ALB: variants seen among roughly 807,000 people sequenced by gnomAD.
The protein encoded by ALB is albumin, also known as serum albumin.
In ALB, 37 loss-of-function variants were observed where a neutral mutation model predicts 74.5. The observed-to-expected ratio is 0.50, with a 90% confidence interval of 0.38 to 0.65. The LOEUF is 0.65. Among genes scored for constraint, ALB ranks in the 30% least tolerant of loss-of-function variants. ALB has a pLI of 0.00. For missense variants in ALB, 685 were observed against 718.7 expected, an observed-to-expected ratio of 0.95 and a Z score of 0.54; for synonymous variants, 249 against 251.6, an observed-to-expected ratio of 0.99 and a Z score of 0.10.
At chr4:73,420,121 T>A in intron 13 of ALB, 133 bp from the exon 14 acceptor site, 1 of 799,294 alleles carries the variant, frequency 1.3e-6, no homozygotes, top group Non-Finnish European at 2.1e-6. Context: ...GAGATTATAG[T>A]AGTAAATTGT....
At chr4:73,420,956 T>A in intron 14 of ALB, 136 bp from the exon 15 acceptor site, 1 of 570,032 alleles carries the variant, frequency 1.8e-6, no homozygotes, top group Non-Finnish European at 3.1e-6. Flanking sequence ...GCCGTAAGTC[T>A]AGGACAGGCT....
Position 73,421,331 on chromosome 4 carries a change from C to T in ALB, c.*263C>T. ...AATTCTGTAGGTTCTGTGGAAGTTC[C>T]AGTGTTCTCTCTTATTCCACTTCGG... On this transcript the variant is annotated 3_prime_UTR_variant, in exon 15 of 15. Coordinates refer to ENST00000295897, the MANE Select transcript of ALB (RefSeq NM_000477.7). The T allele has an allele frequency of 2.6e-6, 1 of 392,058 alleles. No homozygotes were observed. The highest frequency in any genetic ancestry group is 4.5e-6 in the Non-Finnish European group (1 of 220,540). The allele number at this position is 392,058 out of a possible 1,614,324, so 24.3% of individuals were successfully genotyped here.
At chr4:73,413,172 G>T (rs1202400487) in intron 7 of ALB, 1 of 468,826 alleles carries the variant, frequency 2.1e-6, no homozygotes, top group Non-Finnish European at 3.8e-6. Context: ...CCTAACAGTA[G>T]AAACATAAAA....
rs770304967 is a variant in ALB at position 73,409,453 on chromosome 4, A to T, written c.581A>T (p.Gln194Leu). The change falls in exon 5 of 15, where the codon CAA becomes CTA. Residue 194 changes from glutamine (Q) to leucine (L), a missense_variant. Gln to Leu is a moderately radical substitution (Grantham distance 113). Transcript: ENST00000295897. The stretch of plus-strand genomic sequence containing the variant: ...AAAGCTGCTTTTACAGAATGTTGCC[A>T]AGCTGCTGATAAAGCTGCCTGCCTG... ...RYKAAFTECC[Q>L]AADKAACLLP... is the part of the protein sequence containing the mutation. 1 of 1,614,022 alleles carries T rather than the reference A, an allele frequency of 6.2e-7. No homozygotes were observed. The highest frequency in any genetic ancestry group is 1.7e-5 in the Admixed American group (1 of 60,018).
chr4:73,404,526 A>G (rs1441491010), intron 1 of ALB, 120 bp downstream of exon 1: 14 of 840,830 alleles, frequency 1.7e-5, no homozygotes, highest in Non-Finnish European at 2.5e-5. Context: ...ATGGCATAGT[A>G]TTTTGTATTT....
At chr4:73,412,958 A>G (rs1718918740) in intron 7 of ALB, among the ~76,000 whole-genome samples, 1 of 152,146 alleles carries the variant, frequency 6.6e-6, no homozygotes, top group East Asian at 1.9e-4. Context: ...CAAATACTAG[A>G]ATCCTAATCT....
At chr4:73,417,741 T>G in intron 11 of ALB, 72 bp downstream of exon 11, 9 of 1,289,900 alleles carry the variant, frequency 7.0e-6, no homozygotes, top group African/African-American at 1.5e-5. Context: ...AATGCTAGCT[T>G]TCATAAGCAG....
chr4:73,416,115 A>G, intron 9 of ALB, 141 bp from the exon 10 acceptor site: 1 of 669,190 alleles, frequency 1.5e-6, no homozygotes, highest in Non-Finnish European at 2.7e-6. Flanking sequence ...ATGTATTGTG[A>G]CAGAGCGGCA....
At chr4:73,414,715 A>G (rs1464473456) in intron 8 of ALB, among the ~76,000 whole-genome samples, 1 of 152,192 alleles carries the variant, frequency 6.6e-6, no homozygotes, top group Non-Finnish European at 1.5e-5. Context: ...TCAGCCTCCT[A>G]AAGTGCTGGG....
At chr4:73,408,048 G>A (rs1408577017) in intron 3 of ALB, among the ~76,000 whole-genome samples, 1 of 152,092 alleles carries the variant, frequency 6.6e-6, no homozygotes, top group Admixed American at 6.6e-5. Flanking sequence ...TTAGAGATAA[G>A]GAAAGGACTC....
rs547038563 is a variant in ALB at position 73,412,263 on chromosome 4, C to T, written c.843+138C>T. 24 of 1,078,470 alleles carry T rather than the reference C, an allele frequency of 2.2e-5. No homozygotes were observed. The South Asian group carries it at 2.9e-4, about 13-fold the overall frequency. The allele number at this position is 1,078,470 out of a possible 1,614,324, so 66.8% of individuals were successfully genotyped here. A position where few individuals can be genotyped will look rare whatever the true frequency, so the allele number is the denominator to read the frequency against. On this transcript the variant is annotated intron_variant, in intron 7 of 14. Transcript: ENST00000295897. ...TTCGTCTGTCCTATCTTCAATCTTT[C>T]CCTGCCTATGGTGGTGGTACCTTTC...
chr4:73,408,770 T>A lies in ALB; in HGVS notation c.447T>A (p.Thr149=). The change falls in exon 4 of 15, where the codon ACT becomes ACA. Residue 149 remains threonine, a synonymous_variant. Coordinates refer to ENST00000295897, the MANE Select transcript of ALB (RefSeq NM_000477.7). ...LVRPEVDVMC[T]AFHDNEETFL... ...GACCAGAGGTTGATGTGATGTGCACTGCTTTTCATGACAATGAAGAGACAT... is the reference window on the plus strand; with the variant it reads ...GACCAGAGGTTGATGTGATGTGCACAGCTTTTCATGACAATGAAGAGACAT... The A allele has an allele frequency of 6.2e-7, 1 of 1,613,946 alleles. No homozygotes were observed. Among genetic ancestry groups the A allele is most frequent in the African/African-American group, 1.3e-5 (1 of 75,060 alleles).
At chr4:73,417,148 C>G (rs954506814) in intron 10 of ALB, among the ~76,000 whole-genome samples, 1 of 152,138 alleles carries the variant, frequency 6.6e-6, no homozygotes, top group African/African-American at 2.4e-5. Flanking sequence ...TAATTTAACC[C>G]TTGAACTATC....
intron 10 of ALB, 30 bp downstream of exon 10, chr4:73,416,383 T>A (rs1442085377): frequency 7.8e-6 from 12 of 1,532,540 alleles, no homozygotes; most frequent in Middle Eastern, 1.9e-4. Context: ...TGATTTTTTT[T>A]ATCAATTTGT....
Position 73,411,630 on chromosome 4 carries a change from T to A in ALB, c.714-366T>A, listed in dbSNP as rs55853158. ...CATGTTGTCATGACACTGCAGAGGC[T>A]GAAGCTCAGAGAGGCTGAGCCCTCT... On this transcript the variant is annotated intron_variant, in intron 6 of 14. Coordinates refer to ENST00000295897, the MANE Select transcript of ALB (RefSeq NM_000477.7). Among the ~76,000 whole-genome samples, 1,521 of 152,316 alleles carry A rather than the reference T, an allele frequency of 1.0e-2. 29 individuals are homozygous for A. Among genetic ancestry groups the A allele is most frequent in the African/African-American group, 0.035 (1,438 of 41,562 alleles).
rs760050694 is a variant in ALB, at chr4:73,416,261, T to A, written c.1197T>A (p.Asp399Glu). Residue 399 changes from aspartate (D) to glutamate (E), a missense_variant, in exon 10 of 15, where the codon GAT becomes GAA. Physicochemically the swap from Asp to Glu is conservative, Grantham distance 45. Transcript: ENST00000295897. ...DPHECYAKVFDEFKPLVEEPQ... is the reference protein window; with the variant it reads ...DPHECYAKVFEEFKPLVEEPQ... ...ACAATTCTTTTATGTTTCAGTTCGATGAATTTAAACCTCTTGTGGAAGAGC... is the reference window on the plus strand; with the variant it reads ...ACAATTCTTTTATGTTTCAGTTCGAAGAATTTAAACCTCTTGTGGAAGAGC... 1 of 1,613,156 alleles carries A rather than the reference T, an allele frequency of 6.2e-7. No homozygotes were observed. Among genetic ancestry groups the A allele is most frequent in the South Asian group, 1.1e-5 (1 of 91,050 alleles).
chr4:73,418,886 T>C (rs1302137387), intron 12 of ALB, among the ~76,000 whole-genome samples: 1 of 152,158 alleles, frequency 6.6e-6, no homozygotes, highest in African/African-American at 2.4e-5. Context: ...AAGAGTAATA[T>C]TGCAAAACCT....
intron 10 of ALB, 150 bp downstream of exon 10, chr4:73,416,503 A>G: frequency 1.5e-6 from 1 of 681,838 alleles, no homozygotes; most frequent in Non-Finnish European, 2.6e-6. Context: ...GAGGAGAGAT[A>G]AAATAGTTGA....
At chr4:73,409,628 A>T (rs1577936706) in intron 5 of ALB, 141 bp downstream of exon 5, 1 of 1,051,510 alleles carries the variant, frequency 9.5e-7, no homozygotes, top group East Asian at 2.5e-5. Flanking sequence ...CTGTCTTGAA[A>T]ATCTTTCATC....
Sources: allele counts gnomAD v4.1 joint callset (sites outside exome capture counted in the v4.1 genomes callset), GRCh38; gene constraint gnomAD v4.1.1; transcripts MANE v1.5; gene names NCBI Gene and HGNC (gene_info 2026-07-23, HGNC 2026-07-21).